The following UNC13C variants were observed in gnomAD, a reference collection of about 807,000 sequenced individuals.
The protein encoded by UNC13C is unc-13 homolog C, also known as protein unc-13 homolog C.
UNC13C carries 174 observed loss-of-function variants against 245.4 expected under a neutral mutation model. That is an observed-to-expected ratio of 0.71 (90% CI 0.63 to 0.80). UNC13C has a LOEUF of 0.80. Ranked by LOEUF, UNC13C falls within the 30% of genes least tolerant of loss-of-function variation. The pLI, the probability that UNC13C is intolerant of heterozygous loss-of-function variation, is 0.00. For synonymous variants in UNC13C, 992 were observed against 895.1 expected, an observed-to-expected ratio of 1.11 and a Z score of -1.93; for missense variants, 2,829 against 2,602.9, an observed-to-expected ratio of 1.09 and a Z score of -1.89.
chr15:54,513,988 A>G (rs1457958807), intron 24 of UNC13C, among the ~76,000 whole-genome samples: 3 of 152,142 alleles, frequency 2.0e-5, no homozygotes. Flanking sequence ...AGGAAGCAAG[A>G]CTTGCATTCA....
At chr15:54,621,283 TG>T (rs1900781893) in intron 30 of UNC13C, among the ~76,000 whole-genome samples, 1 of 152,198 alleles carries the variant, frequency 6.6e-6, no homozygotes, top group African/African-American at 2.4e-5. Flanking sequence ...ACAGTCTCTG[TG>T]GTAGAAATTA....
chr15:54,375,697 C>T (rs1240300123), intron 17 of UNC13C, among the ~76,000 whole-genome samples: 1 of 152,120 alleles, frequency 6.6e-6, no homozygotes, highest in African/African-American at 2.4e-5. Flanking sequence ...ATCAAGCCTT[C>T]CTGAATTCTA....
chr15:54,183,789 T>C (rs994786290), intron 4 of UNC13C, among the ~76,000 whole-genome samples: 44 of 150,650 alleles, frequency 2.9e-4, no homozygotes, highest in African/African-American at 1.0e-3. Context: ...GGACCAGTCA[T>C]TGCAGACAGT....
chr15:53,925,646 C>A, the UNC13C span, among the ~76,000 whole-genome samples: 1 of 152,180 alleles, frequency 6.6e-6, no homozygotes, highest in African/African-American at 2.4e-5. Context: ...ACATAGCTCT[C>A]CCCGTAAAAT....
At chr15:54,093,770 A>T (rs967786354) in intron 2 of UNC13C, among the ~76,000 whole-genome samples, 1 of 152,198 alleles carries the variant, frequency 6.6e-6, no homozygotes, top group African/African-American at 2.4e-5. Flanking sequence ...GAAAAGTCAC[A>T]TTCAGCTTTT....
intron 2 of UNC13C, among the ~76,000 whole-genome samples, chr15:54,123,476 A>G (rs2030819995): frequency 6.6e-6 from 1 of 151,888 alleles, no homozygotes; most frequent in South Asian, 2.1e-4. Context: ...TTTCTTAAAG[A>G]TATCTTGCAA....
intron 16 of UNC13C, 58 bp downstream of exon 16, chr15:54,333,914 G>A (rs2038505853): frequency 3.8e-6 from 5 of 1,320,688 alleles, no homozygotes; most frequent in Admixed American, 2.0e-5. Context: ...TTCATCCCCT[G>A]GTAAAGTCTT....
At chr15:53,900,240 A>T in the UNC13C span, among the ~76,000 whole-genome samples, 4 of 152,196 alleles carry the variant, frequency 2.6e-5, no homozygotes, top group African/African-American at 9.6e-5. Flanking sequence ...TTATGTTATT[A>T]ACAATAATGT....
chr15:53,873,128 C>T, the UNC13C span, among the ~76,000 whole-genome samples: 1 of 109,794 alleles, frequency 9.1e-6, no homozygotes, highest in East Asian at 3.0e-4. Flanking sequence ...AGAAGGGGGA[C>T]AGGGACACGT....
chr15:54,402,996 G>A (rs910081325), intron 18 of UNC13C, among the ~76,000 whole-genome samples: 4 of 152,190 alleles, frequency 2.6e-5, no homozygotes, highest in African/African-American at 7.2e-5. Flanking sequence ...CCTAATGCCT[G>A]CATTGAGTAG....
intron 18 of UNC13C, among the ~76,000 whole-genome samples, chr15:54,404,237 C>T (rs1444119453): frequency 6.6e-6 from 1 of 152,162 alleles, no homozygotes; most frequent in Non-Finnish European, 1.5e-5. Context: ...TCTTCAAAGA[C>T]AAACTTTGCA....
chr15:53,847,842 C>T, the UNC13C span, among the ~76,000 whole-genome samples: 4 of 152,072 alleles, frequency 2.6e-5, no homozygotes, highest in Non-Finnish European at 5.9e-5. Context: ...TACTCAGGAC[C>T]TCTCTCTCAT....
At chr15:54,437,383 C>A (rs540717171) in intron 19 of UNC13C, among the ~76,000 whole-genome samples, 7 of 152,034 alleles carry the variant, frequency 4.6e-5, no homozygotes, top group Non-Finnish European at 8.8e-5. Flanking sequence ...TCAACAGATG[C>A]TCTAAAATTT....
At chr15:54,426,305 G>A (rs995723916) in intron 19 of UNC13C, among the ~76,000 whole-genome samples, 7 of 148,534 alleles carry the variant, frequency 4.7e-5, no homozygotes, top group African/African-American at 1.7e-4. Flanking sequence ...ACTGGTGAAG[G>A]TTCTGCTTCC....
Position 54,236,582 on chromosome 15 carries a change from C to A in UNC13C, c.3156+147C>A, listed in dbSNP as rs532276460. The A allele has an allele frequency of 1.1e-5, 7 of 647,262 alleles. 1 individual carries two copies. In the East Asian group the frequency reaches 2.0e-4, roughly 18 times the overall value. The allele number at this position is 647,262 out of a possible 1,614,324, so 40.1% of individuals were successfully genotyped here. On this transcript the variant is annotated intron_variant, in intron 6 of 32. Coordinates refer to ENST00000260323, the MANE Select transcript of UNC13C (RefSeq NM_001080534.3). ...GAAGTTTGTTCTGCAAGAATTTAAC[C>A]TCTGGTTCAATTCTGAAAGAGAAAA...
intron 17 of UNC13C, among the ~76,000 whole-genome samples, chr15:54,354,601 G>A (rs2039053310): frequency 6.6e-6 from 1 of 152,154 alleles, no homozygotes; most frequent in Admixed American, 6.5e-5. Flanking sequence ...TACTGGAAAT[G>A]TACTTCATTG....
chr15:54,092,999 C>T (rs1351176977), intron 2 of UNC13C, among the ~76,000 whole-genome samples: 1 of 152,124 alleles, frequency 6.6e-6, no homozygotes, highest in Admixed American at 6.6e-5. Flanking sequence ...GAAGGAATCC[C>T]TTAGCTTTCA....
chr15:53,928,289 G>T, the UNC13C span, among the ~76,000 whole-genome samples: 1 of 152,168 alleles, frequency 6.6e-6, no homozygotes. Flanking sequence ...GGAAATGAAG[G>T]GATGGGCCAA....
At chr15:54,522,707 T>C (rs965718970) in intron 24 of UNC13C, among the ~76,000 whole-genome samples, 3 of 152,232 alleles carry the variant, frequency 2.0e-5, no homozygotes, top group Non-Finnish European at 4.4e-5. Context: ...GGGAATTAAA[T>C]CTGTCTTGAA....
Sources: allele counts gnomAD v4.1 joint callset (sites outside exome capture counted in the v4.1 genomes callset), GRCh38; gene constraint gnomAD v4.1.1; transcripts MANE v1.5; gene names NCBI Gene and HGNC (gene_info 2026-07-23, HGNC 2026-07-21).